Variants in NOX3 observed in about 807,000 individuals in gnomAD.
NOX3 encodes NADPH oxidase catalytic subunit-like 3.
In NOX3, 74 loss-of-function variants were observed where a neutral mutation model predicts 76.7. The observed-to-expected ratio is 0.96, with a 90% CI of 0.80 to 1.17. The LOEUF (loss-of-function observed/expected upper bound fraction) is 1.17. Ranked by LOEUF, NOX3 falls within the 50% of genes most tolerant of loss-of-function variation. The pLI is 0.00. For synonymous variants in NOX3, 263 were observed against 261.1 expected, an observed-to-expected ratio of 1.01 and a Z score of -0.07; for missense variants, 695 against 703.3, an observed-to-expected ratio of 0.99 and a Z score of 0.13.
chr6:155,445,144 C>T (rs988879295), intron 4 of NOX3, among the ~76,000 whole-genome samples: 1 of 152,230 alleles, frequency 6.6e-6, no homozygotes, highest in Admixed American at 6.5e-5. Flanking sequence ...CGATGCTTTT[C>T]CTGCAAATGA....
intron 7 of NOX3, among the ~76,000 whole-genome samples, chr6:155,431,729 A>G (rs572105614): frequency 5.3e-5 from 8 of 152,322 alleles, no homozygotes; most frequent in African/African-American, 1.9e-4. Context: ...TTCTATTTGT[A>G]CTGAACAATC....
chr6:155,449,744 T>C (rs1381124455), intron 4 of NOX3, among the ~76,000 whole-genome samples: 2 of 152,156 alleles, frequency 1.3e-5, no homozygotes, highest in African/African-American at 4.8e-5. Context: ...AAATTAGAGG[T>C]TGGCATGCAA....
intron 5 of NOX3, 28 bp from the exon 6 acceptor site, chr6:155,440,165 G>C: frequency 2.0e-6 from 3 of 1,471,900 alleles, no homozygotes; most frequent in Non-Finnish European, 2.7e-6. Context: ...AACAAAAAAA[G>C]AAACAAACAA....
intron 12 of NOX3, among the ~76,000 whole-genome samples, chr6:155,402,042 T>TAGATGTGAC (rs1437570037): frequency 6.6e-6 from 1 of 152,178 alleles, no homozygotes; most frequent in African/African-American, 2.4e-5. Context: ...AAAAAGTAAC[T>TAGATGTGAC]AGATGTGACA....
intron 12 of NOX3, among the ~76,000 whole-genome samples, chr6:155,400,782 C>T (rs1287037535): frequency 1.3e-5 from 2 of 152,106 alleles, no homozygotes; most frequent in Non-Finnish European, 1.5e-5. Flanking sequence ...TCTGCTCCTG[C>T]CCACACTCCA....
rs569043424 is a variant in NOX3, at chr6:155,410,068, T to C, written c.1455+1146A>G. On this transcript the variant is annotated intron_variant, in intron 11 of 13. Coordinates refer to ENST00000159060, the MANE Select transcript of NOX3 (RefSeq NM_015718.3). ...CTGTTCATCAGTCAAAAATCCCACT[T>C]GAATAAGGAAAGTGTTTGTTTGGAA... Among the ~76,000 whole-genome samples the C allele has an allele frequency of 9.2e-5, 14 of 152,328 alleles. No individual in the cohort carries two copies. The East Asian group carries it at 1.9e-3, about 21-fold the overall frequency.
chr6:155,447,306 G>A (rs972302057), intron 4 of NOX3, among the ~76,000 whole-genome samples: 1 of 152,032 alleles, frequency 6.6e-6, no homozygotes, highest in African/African-American at 2.4e-5. Flanking sequence ...CAAAGTGCTG[G>A]GATTACAGGC....
chr6:155,441,612 G>C, intron 5 of NOX3, among the ~76,000 whole-genome samples: 1 of 152,158 alleles, frequency 6.6e-6, no homozygotes, highest in East Asian at 1.9e-4. Context: ...CCCTAAATTA[G>C]AGGGTTTCCT....
intron 12 of NOX3, among the ~76,000 whole-genome samples, chr6:155,398,896 T>C (rs1779175310): frequency 6.6e-6 from 1 of 152,244 alleles, no homozygotes; most frequent in African/African-American, 2.4e-5. Flanking sequence ...CCGCTGGTCC[T>C]GTGCTTGGCA....
intron 9 of NOX3, among the ~76,000 whole-genome samples, chr6:155,426,957 G>A (rs1582937604): frequency 1.4e-5 from 2 of 145,956 alleles, no homozygotes; most frequent in South Asian, 2.2e-4. Flanking sequence ...GGAGAGCAGG[G>A]ACCGAGAAAG....
rs759113179 is a variant in NOX3, at chr6:155,436,491, C to T, written c.725G>A (p.Cys242Tyr). 5 of 1,614,152 alleles carry T rather than the reference C, an allele frequency of 3.1e-6. No individual in the cohort carries two copies. The Admixed American group carries it at 6.7e-5, about 22-fold the overall frequency. Residue 242 changes from cysteine (C) to tyrosine (Y), a missense_variant, in exon 7 of 14, where the codon TGT (cysteine) becomes TAT (tyrosine). Physicochemically the swap from Cys to Tyr is radical, Grantham distance 194. Transcript: ENST00000159060. ...DSLSLHNITFCRDRYAEWQTV... is the reference protein window; with the variant it reads ...DSLSLHNITFYRDRYAEWQTV... ...CTGCCATTCTGCATAGCGGTCTCTA[C>T]AGAAGGTGATGTTGTGCAGAGAGAG...
Position 155,428,793 on chromosome 6 carries a change from C to A in NOX3, c.1145+1G>T. On this transcript the variant is annotated splice_donor_variant, in intron 9 of 13. Transcript: ENST00000159060. LOFTEE classifies it high-confidence loss of function. ...TATACATGAGAGAAATGGGCACGAA[C>A]CTTGGCAGGCTCCAGGGCTCCTGGA... is the stretch of plus-strand genomic sequence containing the variant. 1.3e-6 allele frequency: 2 copies of A among 1,487,106 alleles called. No homozygotes were observed. The highest frequency in any genetic ancestry group is 1.5e-5 in the South Asian group (1 of 68,950). 92.1% of individuals were successfully genotyped at this position (1,487,106 alleles called of 1,614,324 possible). A position where few individuals can be genotyped will look rare whatever the true frequency, so the allele number is the denominator to read the frequency against.
intron 10 of NOX3, among the ~76,000 whole-genome samples, chr6:155,422,388 G>C (rs777115375): frequency 6.6e-6 from 1 of 152,102 alleles, no homozygotes; most frequent in Non-Finnish European, 1.5e-5. Context: ...TTAATATTGC[G>C]AACTGCCACC....
At chr6:155,447,999 G>A (rs1257760243) in intron 4 of NOX3, among the ~76,000 whole-genome samples, 1 of 152,140 alleles carries the variant, frequency 6.6e-6, no homozygotes, top group Admixed American at 6.5e-5. Context: ...CTACAGAGGT[G>A]GGATAAAACA....
chr6:155,414,197 C>G (rs969002944), intron 10 of NOX3, among the ~76,000 whole-genome samples: 2 of 152,180 alleles, frequency 1.3e-5, no homozygotes, highest in African/African-American at 4.8e-5. Context: ...AAGAAAGGGA[C>G]TTTGAACAGA....
At chr6:155,445,978 ATGCT>A (rs1562472135) in intron 4 of NOX3, among the ~76,000 whole-genome samples, 76 of 69,626 alleles carry the variant, frequency 1.1e-3, no homozygotes, top group Admixed American at 2.2e-3. Flanking sequence ...TAATATATAT[ATGCT>A]ATATATATAT....
chr6:155,427,888 TTCC>T lies in NOX3; in HGVS notation c.1145+903_1145+905del, dbSNP rs534600110. ...ATGTGCCCAGGCTTTTTCTTTTTCT[TTCC>T]TCCTCCTCCTCCTCCTTCTTCTTTT... is the stretch of plus-strand genomic sequence containing the variant. On this transcript the variant is annotated intron_variant, in intron 9 of 13. Transcript: ENST00000159060. Among the ~76,000 whole-genome samples, 49 of 152,138 alleles carry T rather than the reference TTCC, an allele frequency of 3.2e-4. 1 individual carries two copies. In the South Asian group the frequency reaches 4.4e-3, roughly 14 times the overall value.
chr6:155,429,659 AAAG>A (rs1411987860), intron 8 of NOX3, among the ~76,000 whole-genome samples: 2 of 152,150 alleles, frequency 1.3e-5, no homozygotes, highest in Admixed American at 6.5e-5. Context: ...AGTGTTTATA[AAAG>A]CTTTATGACT....
Position 155,426,993 on chromosome 6 carries a change from G to GTGTGTGTGTGTGTGTA in NOX3, c.1145+1800_1145+1801insTACACACACACACACA, listed in dbSNP as rs1310807137. 5.1e-3 allele frequency among the ~76,000 whole-genome samples: 596 copies of GTGTGTGTGTGTGTGTA among 117,280 alleles called. 21 individuals carry two copies. The highest frequency in any genetic ancestry group is 0.02 in the African/African-American group (564 of 28,398). 76.9% of individuals were successfully genotyped at this position (117,280 alleles called of 152,430 possible). A position where few individuals can be genotyped will look rare whatever the true frequency, so the allele number is the denominator to read the frequency against. On this transcript the variant is annotated intron_variant, in intron 9 of 13. Transcript: ENST00000159060. ...CAGTTAGACACTGTGGCGTGTGTGT[G>GTGTGTGTGTGTGTGTA]TGTGTGTGTGTGTGTGTGTGTGTGT...
Sources: gnomAD v4.1 joint callset for allele counts (sites outside exome capture counted in the v4.1 genomes callset) on GRCh38, gnomAD v4.1.1 for gene constraint, MANE v1.5 for transcripts, NCBI Gene and HGNC (gene_info 2026-07-23, HGNC 2026-07-21) for gene names.